Variants in NR3C2 observed in about 807,000 individuals in gnomAD.
The protein encoded by NR3C2 is mineralocorticoid receptor.
In NR3C2, 15 loss-of-function variants were observed where a neutral mutation model predicts 86.4. That is an observed-to-expected ratio of 0.17 (90% CI 0.12 to 0.27). The LOEUF is 0.27. Among genes scored for constraint, NR3C2 ranks in the 10% least tolerant of loss-of-function variants. NR3C2 has a pLI of 1.00. For synonymous variants in NR3C2, 458 were observed against 450.5 expected (o/e 1.02, Z -0.21); for missense variants, 960 against 1,195.6 (o/e 0.80, Z 2.91).
chr4:148,289,529 G>A (rs1428203217), intron 2 of NR3C2, among the ~76,000 whole-genome samples: 1 of 152,092 alleles, frequency 6.6e-6, no homozygotes, highest in Non-Finnish European at 1.5e-5. Context: ...TCCAATTATA[G>A]TATTTTTAAA....
At chr4:148,249,318 CTA>C (rs1739465620) in intron 3 of NR3C2, among the ~76,000 whole-genome samples, 1 of 151,768 alleles carries the variant, frequency 6.6e-6, no homozygotes, top group African/African-American at 2.4e-5. Flanking sequence ...AAAAAAAATT[CTA>C]TAGTTTTGAT....
At chr4:148,371,935 AT>A (rs1208410067) in intron 2 of NR3C2, among the ~76,000 whole-genome samples, 4 of 152,114 alleles carry the variant, frequency 2.6e-5, no homozygotes, top group Non-Finnish European at 4.4e-5. Flanking sequence ...TATGCCCTTG[AT>A]TTTTTTCATT....
chr4:148,167,020 T>C (rs896679964), intron 4 of NR3C2, among the ~76,000 whole-genome samples: 2 of 152,252 alleles, frequency 1.3e-5, no homozygotes, highest in Admixed American at 6.5e-5. Flanking sequence ...CTCAAATTGT[T>C]TGCCACTTCC....
At chr4:148,166,756 C>G (rs1425422980) in intron 4 of NR3C2, among the ~76,000 whole-genome samples, 1 of 150,926 alleles carries the variant, frequency 6.6e-6, no homozygotes, top group Non-Finnish European at 1.5e-5. Context: ...CTGTATTTTC[C>G]ATTCATACGA....
chr4:148,317,150 A>G (rs938961244), intron 2 of NR3C2, among the ~76,000 whole-genome samples: 2 of 152,146 alleles, frequency 1.3e-5, no homozygotes, highest in African/African-American at 4.8e-5. Context: ...AAATGTATTC[A>G]CTTAAGACAC....
intron 3 of NR3C2, among the ~76,000 whole-genome samples, chr4:148,247,797 T>A (rs754834133): frequency 6.6e-6 from 1 of 152,078 alleles, no homozygotes; most frequent in African/African-American, 2.4e-5. Flanking sequence ...TTATCCCAAA[T>A]TGGCTCTAGC....
At chr4:148,115,671 C>T (rs61764252) in intron 7 of NR3C2, among the ~76,000 whole-genome samples, 34 of 152,136 alleles carry the variant, frequency 2.2e-4, no homozygotes, top group Middle Eastern at 3.2e-3. Context: ...TATGGATTAT[C>T]TTGCAAATTA....
intron 2 of NR3C2, among the ~76,000 whole-genome samples, chr4:148,299,128 A>G (rs1329843683): frequency 2.0e-5 from 3 of 152,116 alleles, no homozygotes; most frequent in African/African-American, 7.2e-5. Context: ...TTCTTTTAAT[A>G]AATTCTGGTC....
intron 2 of NR3C2, among the ~76,000 whole-genome samples, chr4:148,338,570 T>C (rs1744603015): frequency 6.6e-6 from 1 of 152,146 alleles, no homozygotes; most frequent in African/African-American, 2.4e-5. Flanking sequence ...GTTATGCAGC[T>C]AAAATACAGG....
At chr4:148,422,322 A>T (rs66584597) in intron 2 of NR3C2, among the ~76,000 whole-genome samples, 23,310 of 151,926 alleles carry the variant, frequency 0.15, 2,283 homozygotes, top group African/African-American at 0.27. Flanking sequence ...GAGGAAAAAA[A>T]AAAACACCTT....
chr4:148,154,835 GGCT>G lies in NR3C2; in HGVS notation c.2078_2080del (p.Gln693del), dbSNP rs1199861091. The stretch of plus-strand genomic sequence containing the variant: ...TTGCGGGGGTGGGGGTGGGGGTGGG[GGCT>G]GCTGCTGCTGTGGCTGCTCCTCGTG... On this transcript the variant is annotated inframe_deletion, in exon 5 of 9. Coordinates refer to ENST00000358102, the MANE Select transcript of NR3C2 (RefSeq NM_000901.5). 1.5e-6 allele frequency: 2 copies of G among 1,355,918 alleles called. No individual in the cohort carries two copies. Among genetic ancestry groups the G allele is most frequent in the South Asian group, 1.2e-5 (1 of 84,556 alleles). The allele number at this position is 1,355,918 out of a possible 1,614,324, so 84.0% of individuals were successfully genotyped here.
chr4:148,261,679 T>C (rs1041103878), intron 2 of NR3C2, among the ~76,000 whole-genome samples: 2 of 152,180 alleles, frequency 1.3e-5, no homozygotes, highest in Non-Finnish European at 2.9e-5. Flanking sequence ...TTGCTGTATG[T>C]CACTTCTATC....
intron 8 of NR3C2, among the ~76,000 whole-genome samples, chr4:148,085,073 C>T (rs1257246915): frequency 1.3e-5 from 2 of 152,126 alleles, no homozygotes; most frequent in African/African-American, 4.8e-5. Flanking sequence ...TAACACCCCA[C>T]TGTCAATATT....
chr4:148,423,902 G>A (rs61759960), intron 2 of NR3C2, among the ~76,000 whole-genome samples: 28 of 152,176 alleles, frequency 1.8e-4, no homozygotes, highest in Middle Eastern at 6.8e-3. Flanking sequence ...TGGTAGAGAC[G>A]GGGTTTCACC....
chr4:148,436,771 G>A lies in NR3C2; in HGVS notation c.90C>T (p.Ser30=), dbSNP rs757033341. The change falls in exon 2 of 9, where the codon TCC becomes TCT. Residue 30 remains serine, a synonymous_variant. Transcript: ENST00000358102. ...CATCGGTCCTCTCTGTAGGTCCCAGGGAAGAACGCTCCACAGCCTGAGAAA... is the reference window on the plus strand; with the variant it reads ...CATCGGTCCTCTCTGTAGGTCCCAGAGAAGAACGCTCCACAGCCTGAGAAA... ...GQVSQAVERS[S]LGPTERTDEN... The A allele has an allele frequency of 2.5e-6, 4 of 1,613,872 alleles. No individual in the cohort carries two copies. Among genetic ancestry groups the A allele is most frequent in the Middle Eastern group, 1.6e-4 (1 of 6,062 alleles).
rs1188937813 is a variant in NR3C2 at position 148,159,730 on chromosome 4, C to T, written c.2015-4829G>A. ...TACAATTTTTATACTTTAAGATTAG[C>T]TAGCATAAGCTTCAAATCCAAGTGT... On this transcript the variant is annotated intron_variant, in intron 4 of 8. Transcript: ENST00000358102. 2.0e-5 allele frequency among the ~76,000 whole-genome samples: 3 copies of T among 152,186 alleles called. 1 individual carries two copies. Among genetic ancestry groups the T allele is most frequent in the Non-Finnish European group, 4.4e-5 (3 of 68,034 alleles).
rs1156383677 is a variant in NR3C2, at chr4:148,122,543, T to G, written c.2511-2255A>C. Among the ~76,000 whole-genome samples, 5 of 152,304 alleles carry G rather than the reference T, an allele frequency of 3.3e-5. No homozygotes were observed. The East Asian group carries it at 9.7e-4, about 29-fold the overall frequency. On this transcript the variant is annotated intron_variant, in intron 6 of 8. Transcript: ENST00000358102. The stretch of plus-strand genomic sequence containing the variant: ...CATGATTACTGACAAGTTTGGATGT[T>G]CTCTACCATTTTAACTTACTTTCCT...
chr4:148,292,212 T>G (rs1741830043), intron 2 of NR3C2, among the ~76,000 whole-genome samples: 1 of 152,038 alleles, frequency 6.6e-6, no homozygotes, highest in Non-Finnish European at 1.5e-5. Context: ...TATACTTGAC[T>G]ACCACTACCT....
chr4:148,090,322 C>A (rs777223067), intron 8 of NR3C2, among the ~76,000 whole-genome samples: 11 of 152,140 alleles, frequency 7.2e-5, no homozygotes, highest in Non-Finnish European at 1.2e-4. Flanking sequence ...TGGCACATGA[C>A]CTGAAGGTCG....
Sources: allele counts gnomAD v4.1 joint callset (sites outside exome capture counted in the v4.1 genomes callset), GRCh38; gene constraint gnomAD v4.1.1; transcripts MANE v1.5; gene names NCBI Gene and HGNC (gene_info 2026-07-23, HGNC 2026-07-21).